Variants in THRB observed in about 807,000 individuals in gnomAD.
THRB encodes the protein nuclear receptor subfamily 1 group A member 2.
In THRB, 12 loss-of-function variants were observed where a neutral mutation model predicts 47.8. The observed-to-expected ratio is 0.25, with a 90% CI of 0.16 to 0.41. THRB has a LOEUF of 0.41. THRB is among the 10% of genes least tolerant of loss of function. THRB has a pLI of 1.00. For missense variants in THRB, 348 were observed against 589.2 expected (o/e 0.59, Z 4.24); for synonymous variants, 218 against 212.2 (o/e 1.03, Z -0.24).
At chr3:24,357,833 G>A (rs780324410) in intron 1 of THRB, among the ~76,000 whole-genome samples, 2 of 152,070 alleles carry the variant, frequency 1.3e-5, no homozygotes, top group African/African-American at 2.4e-5. Flanking sequence ...TTAACAATGT[G>A]CGTCTTTTCA....
chr3:24,400,688 T>C (rs1258170945), intron 1 of THRB, among the ~76,000 whole-genome samples: 1 of 152,052 alleles, frequency 6.6e-6, no homozygotes, highest in Non-Finnish European at 1.5e-5. Context: ...ATATATTTCA[T>C]TGTTGTAAGC....
chr3:24,158,841 C>CCTCTCT (rs10530553), intron 5 of THRB, among the ~76,000 whole-genome samples: 128 of 147,550 alleles, frequency 8.7e-4, no homozygotes, highest in African/African-American at 2.9e-3. Context: ...GACAGCTCTT[C>CCTCTCT]CTCTCTCTCT....
chr3:24,240,448 A>C (rs1210669922), intron 3 of THRB, among the ~76,000 whole-genome samples: 4 of 152,200 alleles, frequency 2.6e-5, no homozygotes, highest in African/African-American at 9.7e-5. Flanking sequence ...TCAGATTATC[A>C]CTGGAAATTA....
chr3:24,190,199 T>C lies in THRB; in HGVS notation c.158A>G (p.Gln53Arg), dbSNP rs1360563345. 3.1e-6 allele frequency: 5 copies of C among 1,614,148 alleles called. No homozygotes were observed. In the South Asian group the frequency reaches 5.5e-5, roughly 18 times the overall value. Residue 53 changes from glutamine (Q) to arginine (R), a missense_variant, in exon 5 of 11, where the codon CAG becomes CGG. By Grantham distance (43) the Gln-to-Arg change is conservative (BLOSUM62 1). Transcript: ENST00000646209. ...GGTCTGGATGAGATGTGGCGACGAC[T>C]GTTCATTTTTCAACGTGCTGCGCCT... is the stretch of plus-strand genomic sequence containing the variant. The part of the protein sequence containing the change: ...SERRSTLKNE[Q>R]SSPHLIQTTW...
At chr3:24,261,909 C>T (rs2150507227) in intron 3 of THRB, among the ~76,000 whole-genome samples, 1 of 152,332 alleles carries the variant, frequency 6.6e-6, no homozygotes, top group Middle Eastern at 3.4e-3. Flanking sequence ...CCTTTACAAG[C>T]TACAAGACTT....
intron 5 of THRB, among the ~76,000 whole-genome samples, chr3:24,174,712 TCA>T (rs764887565): frequency 3.3e-4 from 50 of 152,318 alleles, no homozygotes; most frequent in Non-Finnish European, 6.0e-4. Flanking sequence ...TCTGGCTTGG[TCA>T]CACACAGTTT....
intron 1 of THRB, among the ~76,000 whole-genome samples, chr3:24,358,342 T>C (rs2063829304): frequency 6.6e-6 from 1 of 152,176 alleles, no homozygotes; most frequent in Non-Finnish European, 1.5e-5. Flanking sequence ...TTTTGTGTCT[T>C]GCTTAGAAAG....
chr3:24,227,221 T>A (rs550485286), intron 4 of THRB, among the ~76,000 whole-genome samples: 1 of 152,330 alleles, frequency 6.6e-6, no homozygotes, highest in Admixed American at 6.5e-5. Context: ...CAGAAAGGAA[T>A]ACTGTCCCTC....
chr3:24,344,297 T>C (rs2062865642), intron 1 of THRB, among the ~76,000 whole-genome samples: 1 of 152,092 alleles, frequency 6.6e-6, no homozygotes, highest in Non-Finnish European at 1.5e-5. Context: ...TGGGTTGGCA[T>C]TTGAATGTCA....
At chr3:24,331,830 C>T (rs752689217) in intron 2 of THRB, among the ~76,000 whole-genome samples, 2 of 152,066 alleles carry the variant, frequency 1.3e-5, no homozygotes, top group African/African-American at 2.4e-5. Context: ...TCACTAATAC[C>T]GAGCTTATAA....
At chr3:24,269,442 C>CACACACACAT (rs58200122) in intron 3 of THRB, among the ~76,000 whole-genome samples, 5 of 141,044 alleles carry the variant, frequency 3.5e-5, no homozygotes, top group East Asian at 2.2e-4. Flanking sequence ...CACACACACA[C>CACACACACAT]TTAAGTTATC....
intron 1 of THRB, among the ~76,000 whole-genome samples, chr3:24,477,305 A>T (rs767566509): frequency 6.6e-6 from 1 of 152,200 alleles, no homozygotes; most frequent in Non-Finnish European, 1.5e-5. Flanking sequence ...TAGTCAATAC[A>T]CAGCAGGGTT....
intron 1 of THRB, among the ~76,000 whole-genome samples, chr3:24,376,554 G>T (rs1415449427): frequency 6.6e-6 from 1 of 152,136 alleles, no homozygotes; most frequent in Non-Finnish European, 1.5e-5. Flanking sequence ...AGAAAAGGGT[G>T]TTTGAGGGCT....
At chr3:24,372,111 C>G (rs907709456) in intron 1 of THRB, among the ~76,000 whole-genome samples, 2 of 152,060 alleles carry the variant, frequency 1.3e-5, no homozygotes, top group Non-Finnish European at 1.5e-5. Flanking sequence ...GTATTGTCTT[C>G]CATATTTAAT....
chr3:24,406,640 C>T (rs1373986119), intron 1 of THRB, among the ~76,000 whole-genome samples: 1 of 151,120 alleles, frequency 6.6e-6, no homozygotes, highest in African/African-American at 2.4e-5. Flanking sequence ...TTGAGATAGT[C>T]ACATGTTTTT....
chr3:24,259,620 C>CCTT (rs1553677987), intron 3 of THRB, among the ~76,000 whole-genome samples: 5 of 98,256 alleles, frequency 5.1e-5, no homozygotes, highest in African/African-American at 2.0e-4. Context: ...CTCTGCTTAC[C>CCTT]TTTTTTTTTT....
At chr3:24,186,122 T>C (rs1254244871) in intron 5 of THRB, among the ~76,000 whole-genome samples, 1 of 151,816 alleles carries the variant, frequency 6.6e-6, no homozygotes, top group Non-Finnish European at 1.5e-5. Context: ...GTGCAACGAG[T>C]TGAAGAGTAT....
At position 24,150,243 on chromosome 3, in the gene THRB, G is replaced by T. The variant is rs115743782; in HGVS notation, c.384+2147C>A. On this transcript the variant is annotated intron_variant, in intron 6 of 10. Coordinates refer to ENST00000646209, the MANE Select transcript of THRB (RefSeq NM_001354712.2). ...TCTCCATACACATTGCAAGTATGGG[G>T]TAGAAATATTTTTAAATTACAGGTT... Among the ~76,000 whole-genome samples the T allele has an allele frequency of 6.8e-3, 1,043 of 152,316 alleles. 17 individuals are homozygous for T. Among genetic ancestry groups the T allele is most frequent in the African/African-American group, 0.023 (962 of 41,576 alleles).
rs1270290245 is a variant in THRB, at chr3:24,325,285, A to C, written c.-189+12015T>G. On this transcript the variant is annotated intron_variant, in intron 2 of 10. Transcript: ENST00000646209. The stretch of plus-strand genomic sequence containing the variant: ...CAGACCCTGTTAACATTGATAACTA[A>C]TGGCTGGCATGATGCCTGTCATATT... Among the ~76,000 whole-genome samples, 9 of 152,236 alleles carry C rather than the reference A, an allele frequency of 5.9e-5. 1 individual carries two copies. The highest frequency in any genetic ancestry group is 5.9e-4 in the Admixed American group (9 of 15,280).
Sources: gnomAD v4.1 joint callset for allele counts (sites outside exome capture counted in the v4.1 genomes callset) on GRCh38, gnomAD v4.1.1 for gene constraint, MANE v1.5 for transcripts, NCBI Gene and HGNC (gene_info 2026-07-23, HGNC 2026-07-21) for gene names.